The following SPAG16 variants were observed in gnomAD, a reference collection of about 807,000 sequenced individuals.
The protein encoded by SPAG16 is sperm associated antigen 16, also known as sperm-associated antigen 16 protein.
SPAG16 carries 86 observed loss-of-function variants against 80.4 expected under a neutral mutation model. The observed-to-expected ratio is 1.07, with a 90% CI of 0.90 to 1.28. The LOEUF (loss-of-function observed/expected upper bound fraction) is 1.28, where lower values mean the gene tolerates loss of function less well. Ranked by LOEUF, SPAG16 falls within the 50% of genes most tolerant of loss-of-function variation. The pLI is 0.00. For synonymous variants in SPAG16, 294 were observed against 265.9 expected (o/e 1.11, Z -1.03); for missense variants, 870 against 765.3 (o/e 1.14, Z -1.61).
intron 8 of SPAG16, among the ~76,000 whole-genome samples, chr2:213,370,668 T>A (rs2066581311): frequency 6.6e-6 from 1 of 152,230 alleles, no homozygotes; most frequent in African/African-American, 2.4e-5. Context: ...TCTAATGGTT[T>A]AAATTTTATA....
chr2:214,227,011 C>A (rs867656938), intron 15 of SPAG16, among the ~76,000 whole-genome samples: 2 of 152,174 alleles, frequency 1.3e-5, no homozygotes, highest in African/African-American at 4.8e-5. Context: ...AAAGGCATGA[C>A]AATGTACCAG....
chr2:214,026,694 G>T (rs2048146712), intron 13 of SPAG16, among the ~76,000 whole-genome samples: 1 of 151,306 alleles, frequency 6.6e-6, no homozygotes, highest in African/African-American at 2.4e-5. Context: ...GGAGGGAAAA[G>T]ATTCATGAGA....
At chr2:213,788,779 A>G (rs543733365) in intron 10 of SPAG16, among the ~76,000 whole-genome samples, 1 of 152,040 alleles carries the variant, frequency 6.6e-6, no homozygotes, top group African/African-American at 2.4e-5. Context: ...ATAAGACAAC[A>G]TCTAAACCCA....
intron 11 of SPAG16, among the ~76,000 whole-genome samples, chr2:213,873,954 T>G (rs2076046155): frequency 6.6e-6 from 1 of 152,182 alleles, no homozygotes; most frequent in Non-Finnish European, 1.5e-5. Context: ...GCCATTGCTA[T>G]TGCTCCTATA....
chr2:213,995,870 T>C (rs2046490753), intron 12 of SPAG16, among the ~76,000 whole-genome samples: 1 of 152,198 alleles, frequency 6.6e-6, no homozygotes. Flanking sequence ...TTCCAGGCAA[T>C]GCAATAGAAT....
Position 213,513,039 on chromosome 2 carries a change from T to C in SPAG16, c.1070+22949T>C, listed in dbSNP as rs2075287154. On this transcript the variant is annotated intron_variant, in intron 10 of 15. Transcript: ENST00000331683. ...ATTAATGGAGTCTGGTTGTAATGCA[T>C]TCAGCTAACTCCTTTTAAAGCTATA... Among the ~76,000 whole-genome samples the C allele has an allele frequency of 5.3e-5, 8 of 152,320 alleles. No homozygotes were observed. The South Asian group carries it at 1.7e-3, about 32-fold the overall frequency.
chr2:213,399,974 C>A (rs1309943646), intron 9 of SPAG16, among the ~76,000 whole-genome samples: 1 of 151,842 alleles, frequency 6.6e-6, no homozygotes, highest in African/African-American at 2.4e-5. Context: ...CAAATGGATC[C>A]ATAATTATAT....
intron 15 of SPAG16, among the ~76,000 whole-genome samples, chr2:214,246,426 T>C (rs779464824): frequency 4.6e-5 from 7 of 152,120 alleles, no homozygotes; most frequent in African/African-American, 1.7e-4. Flanking sequence ...TTGTTACTAA[T>C]AGAATTGACA....
chr2:213,867,821 G>A (rs2075755651), intron 11 of SPAG16, among the ~76,000 whole-genome samples: 1 of 150,714 alleles, frequency 6.6e-6, no homozygotes, highest in South Asian at 2.1e-4. Context: ...CTACTCGGGA[G>A]GCTGAGGCAG....
intron 10 of SPAG16, among the ~76,000 whole-genome samples, chr2:213,532,956 C>A (rs1351326024): frequency 6.6e-6 from 1 of 151,988 alleles, no homozygotes; most frequent in Admixed American, 6.6e-5. Flanking sequence ...GAAATGTGTT[C>A]ATATTTTATA....
At chr2:213,381,077 T>G (rs2067147283) in intron 9 of SPAG16, among the ~76,000 whole-genome samples, 1 of 54,178 alleles carries the variant, frequency 1.8e-5, no homozygotes, top group African/African-American at 5.4e-5. Context: ...ATAAATCCAC[T>G]GGGCTTACCG....
intron 10 of SPAG16, among the ~76,000 whole-genome samples, chr2:213,565,017 A>G (rs1575994200): frequency 6.6e-6 from 1 of 152,316 alleles, no homozygotes; most frequent in East Asian, 1.9e-4. Context: ...AGTCACTATT[A>G]TTAAAATATT....
At chr2:213,743,821 A>G (rs1191560577) in intron 10 of SPAG16, among the ~76,000 whole-genome samples, 1 of 152,084 alleles carries the variant, frequency 6.6e-6, no homozygotes, top group Non-Finnish European at 1.5e-5. Flanking sequence ...ATCTTCAAAT[A>G]CTTGTCTCTG....
At chr2:214,031,087 T>C (rs2048382205) in intron 13 of SPAG16, among the ~76,000 whole-genome samples, 1 of 152,096 alleles carries the variant, frequency 6.6e-6, no homozygotes, top group African/African-American at 2.4e-5. Context: ...TTATCTACTT[T>C]TGGTCTTTGA....
At chr2:213,866,650 G>A (rs1397892323) in intron 11 of SPAG16, among the ~76,000 whole-genome samples, 6 of 151,844 alleles carry the variant, frequency 4.0e-5, no homozygotes, top group African/African-American at 7.3e-5. Flanking sequence ...AGCTTAATGA[G>A]TCAAAAGCAG....
chr2:214,113,697 C>A (rs1319736544), intron 14 of SPAG16, among the ~76,000 whole-genome samples: 1 of 152,200 alleles, frequency 6.6e-6, no homozygotes. Context: ...ATTCTCTACA[C>A]TGTTTATTCT....
intron 15 of SPAG16, among the ~76,000 whole-genome samples, chr2:214,258,890 TTA>T (rs966843078): frequency 2.0e-5 from 3 of 152,048 alleles, no homozygotes; most frequent in African/African-American, 7.2e-5. Context: ...ATTTGGTATT[TTA>T]TATAGTTTCC....
chr2:213,700,674 C>T (rs1025492738), intron 10 of SPAG16, among the ~76,000 whole-genome samples: 1 of 151,972 alleles, frequency 6.6e-6, no homozygotes, highest in Admixed American at 6.6e-5. Context: ...GTGTGATGTA[C>T]CTAATGGAAA....
intron 13 of SPAG16, among the ~76,000 whole-genome samples, chr2:214,100,317 A>G (rs13395062): frequency 0.35 from 53,512 of 151,894 alleles, 9,613 homozygotes; most frequent in South Asian, 0.4. Context: ...ACAATCACTA[A>G]TATAAAAATT....
Sources: allele counts gnomAD v4.1 joint callset (sites outside exome capture counted in the v4.1 genomes callset), GRCh38; gene constraint gnomAD v4.1.1; transcripts MANE v1.5; gene names NCBI Gene and HGNC (gene_info 2026-07-23, HGNC 2026-07-21).